The following ERC1 variants were observed in gnomAD, a reference collection of about 807,000 sequenced individuals.
ERC1 encodes the protein RAB6 interacting protein 2.
A neutral mutation model predicts 132.0 loss-of-function variants in ERC1; 56 were observed. The ratio of observed to expected loss-of-function variants is 0.42; its 90% CI spans 0.34 to 0.53. ERC1 has a LOEUF of 0.53. Among genes scored for constraint, ERC1 ranks in the 20% least tolerant of loss-of-function variants. The pLI, the probability that ERC1 is intolerant of heterozygous loss-of-function variation, is 0.03. For synonymous variants in ERC1, 478 were observed against 476.1 expected (o/e 1.00, Z -0.05); for missense variants, 1,202 against 1,349.9 (o/e 0.89, Z 1.72).
intron 11 of ERC1, among the ~76,000 whole-genome samples, chr12:1,189,351 C>G (rs1955473167): frequency 6.6e-6 from 1 of 152,210 alleles, no homozygotes; most frequent in Non-Finnish European, 1.5e-5. Flanking sequence ...TATGGCATCA[C>G]ACTCCCAGTA....
intron 12 of ERC1, among the ~76,000 whole-genome samples, chr12:1,201,473 AT>A (rs1444024513): frequency 2.6e-5 from 4 of 152,170 alleles, no homozygotes; most frequent in African/African-American, 7.2e-5. Flanking sequence ...AAGTGAATGT[AT>A]TTACTAGTAT....
intron 13 of ERC1, 145 bp from the exon 14 acceptor site, chr12:1,262,889 G>A (rs2077231861): frequency 2.8e-6 from 2 of 709,436 alleles, no homozygotes; most frequent in East Asian, 2.8e-5. Context: ...TTTCTTTATT[G>A]TGTCCTCTGT....
chr12:1,436,192 G>C (rs994018930), intron 17 of ERC1, among the ~76,000 whole-genome samples: 1 of 151,432 alleles, frequency 6.6e-6, no homozygotes, highest in Non-Finnish European at 1.5e-5. Flanking sequence ...GTGCACGCAC[G>C]CCCTCTTATC....
Position 1,493,258 on chromosome 12 carries a change from T to C in ERC1, c.*3028T>C, listed in dbSNP as rs1018635347. On this transcript the variant is annotated 3_prime_UTR_variant, in exon 19 of 19. Coordinates refer to ENST00000360905, the MANE Select transcript of ERC1 (RefSeq NM_178040.4). ...CTTTAACATGTTTAAGAAATATGGA[T>C]GGGGCCGGCCACAGTGGCTCACGCC... 5.4e-6 allele frequency: 1 copy of C among 186,840 alleles called. No individual in the cohort carries two copies. The highest frequency in any genetic ancestry group is 1.1e-5 in the Non-Finnish European group (1 of 88,530). The allele number at this position is 186,840 out of a possible 1,614,324, so 11.6% of individuals were successfully genotyped here.
At chr12:1,055,845 C>T (rs972928883) in intron 2 of ERC1, among the ~76,000 whole-genome samples, 1 of 151,998 alleles carries the variant, frequency 6.6e-6, no homozygotes, top group Non-Finnish European at 1.5e-5. Flanking sequence ...ATGCATAAAG[C>T]ATTCAGAAAA....
intron 12 of ERC1, among the ~76,000 whole-genome samples, chr12:1,219,507 G>C (rs1191108043): frequency 3.3e-5 from 5 of 152,100 alleles, no homozygotes; most frequent in Non-Finnish European, 7.3e-5. Flanking sequence ...TTAATTCAAT[G>C]ATTCCATTCG....
intron 12 of ERC1, among the ~76,000 whole-genome samples, chr12:1,201,719 G>A (rs528911888): frequency 6.6e-6 from 1 of 152,126 alleles, no homozygotes; most frequent in Non-Finnish European, 1.5e-5. Context: ...TGAATTGATA[G>A]TCATTTACTG....
intron 1 of ERC1, among the ~76,000 whole-genome samples, chr12:1,005,961 C>CTTT (rs10627402): frequency 7.0e-6 from 1 of 142,316 alleles, no homozygotes; most frequent in African/African-American, 2.6e-5. Context: ...ATTCTTATTA[C>CTTT]TTTTTTTTTT....
At chr12:1,018,623 A>G (rs1215763485) in intron 1 of ERC1, among the ~76,000 whole-genome samples, 1 of 152,242 alleles carries the variant, frequency 6.6e-6, no homozygotes, top group Non-Finnish European at 1.5e-5. Flanking sequence ...ATTTAGTTGC[A>G]GGTTCCATAA....
intron 16 of ERC1, among the ~76,000 whole-genome samples, chr12:1,405,156 T>TAAATAAATAA (rs2091380130): frequency 7.4e-6 from 1 of 135,596 alleles, no homozygotes; most frequent in South Asian, 2.3e-4. Flanking sequence ...TATAAATAAA[T>TAAATAAATAA]AAATAAATAA....
At chr12:1,274,442 G>T (rs1326058301) in intron 14 of ERC1, among the ~76,000 whole-genome samples, 1 of 151,800 alleles carries the variant, frequency 6.6e-6, no homozygotes, top group Non-Finnish European at 1.5e-5. Flanking sequence ...TAGAGTGAAT[G>T]GTCAGGGAAA....
rs536358299 is a variant in ERC1, at chr12:1,370,657, CTT to C, written c.2781-1172_2781-1171del. Among the ~76,000 whole-genome samples, 15 of 152,268 alleles carry C rather than the reference CTT, an allele frequency of 9.9e-5. 1 individual carries two copies. In the South Asian group the frequency reaches 3.1e-3, roughly 32 times the overall value. ...AAATTCAACTACAACTATAGGAACT[CTT>C]TTTAAAATATAAAATGAAATACTAA... On this transcript the variant is annotated intron_variant, in intron 15 of 18. Transcript: ENST00000360905.
chr12:1,381,763 A>C (rs1165858735), intron 16 of ERC1, among the ~76,000 whole-genome samples: 1 of 152,196 alleles, frequency 6.6e-6, no homozygotes, highest in Non-Finnish European at 1.5e-5. Flanking sequence ...TCTCCACTTT[A>C]AACTTCTCTT....
chr12:1,492,787 G>A lies in ERC1; in HGVS notation c.*2557G>A, dbSNP rs1387122307. On this transcript the variant is annotated 3_prime_UTR_variant, in exon 19 of 19. Coordinates refer to ENST00000360905, the MANE Select transcript of ERC1 (RefSeq NM_178040.4). ...CTGTAGGGCAGAGTGGATGCAGTTT[G>A]TAGCTTTCAGAGTGTCTCATTGAGT... 5 of 232,020 alleles carry A rather than the reference G, an allele frequency of 2.2e-5. No homozygotes were observed. Among genetic ancestry groups the A allele is most frequent in the Admixed American group, 1.1e-4 (2 of 17,734 alleles). 14.4% of individuals were successfully genotyped at this position (232,020 alleles called of 1,614,324 possible).
chr12:1,130,054 T>C (rs9989011), intron 7 of ERC1, among the ~76,000 whole-genome samples: 35,732 of 152,122 alleles, frequency 0.23, 4,466 homozygotes, highest in African/African-American at 0.3. Flanking sequence ...TGTTGCTAAA[T>C]AATACAGCAG....
chr12:1,353,808 T>C (rs2085265598), intron 15 of ERC1, among the ~76,000 whole-genome samples: 1 of 152,232 alleles, frequency 6.6e-6, no homozygotes, highest in African/African-American at 2.4e-5. Flanking sequence ...ATATAGCTTC[T>C]GCCTCCAGCC....
chr12:1,169,342 C>G (rs1266678477), intron 8 of ERC1, among the ~76,000 whole-genome samples: 1 of 152,170 alleles, frequency 6.6e-6, no homozygotes. Context: ...AGGGCAAGCC[C>G]CCTCCCATGG....
intron 2 of ERC1, among the ~76,000 whole-genome samples, chr12:1,069,466 T>C (rs1256989105): frequency 6.6e-6 from 1 of 152,172 alleles, no homozygotes; most frequent in Non-Finnish European, 1.5e-5. Flanking sequence ...TTTATTATAA[T>C]GGTGATCTAG....
At chr12:1,062,851 C>G (rs1340656916) in intron 2 of ERC1, among the ~76,000 whole-genome samples, 1 of 152,164 alleles carries the variant, frequency 6.6e-6, no homozygotes, top group East Asian at 1.9e-4. Context: ...ATGTCTCTAG[C>G]TCTAATAATA....
Sources: allele counts gnomAD v4.1 joint callset (sites outside exome capture counted in the v4.1 genomes callset), GRCh38; gene constraint gnomAD v4.1.1; transcripts MANE v1.5; gene names NCBI Gene and HGNC (gene_info 2026-07-23, HGNC 2026-07-21).